The following RGMB variants were observed in gnomAD, a reference collection of about 807,000 sequenced individuals.
RGMB encodes repulsive guidance molecule BMP co-receptor b.
A neutral mutation model predicts 26.9 loss-of-function variants in RGMB; 16 were observed. The ratio of observed to expected loss-of-function variants is 0.60; its 90% CI spans 0.40 to 0.90. The LOEUF is 0.90. Ranked by LOEUF, RGMB falls within the 40% of genes least tolerant of loss-of-function variation. The pLI, the probability that RGMB is intolerant of heterozygous loss-of-function variation, is 0.00. For missense variants in RGMB, 512 were observed against 573.3 expected, an observed-to-expected ratio of 0.89 and a Z score of 1.09; for synonymous variants, 225 against 229.3, an observed-to-expected ratio of 0.98 and a Z score of 0.17.
chr5:98,779,867 C>T lies in RGMB; in HGVS notation c.424C>T (p.His142Tyr). Residue 142 changes from histidine (H) to tyrosine (Y), a missense_variant, in exon 2 of 3, where the codon CAC becomes TAC. His to Tyr is a moderately conservative substitution (Grantham distance 83). Coordinates refer to ENST00000513185, the MANE Select transcript of RGMB (RefSeq NM_001366508.1). ...AGTGACCCATGATCCTTGCAACTATCACAGCCACGCTGGAGCCAGGGAACA... is the reference window on the plus strand; with the variant it reads ...AGTGACCCATGATCCTTGCAACTATTACAGCCACGCTGGAGCCAGGGAACA... ...PEVTHDPCNY[H>Y]SHAGAREHRR... is the part of the protein sequence containing the mutation. The T allele has an allele frequency of 1.9e-6, 3 of 1,614,042 alleles. No individual in the cohort carries two copies. Among genetic ancestry groups the T allele is most frequent in the Non-Finnish European group, 2.5e-6 (3 of 1,179,884 alleles).
In RGMB at chr5:98,795,693, A is replaced by G. The variant is rs554557776; in HGVS notation, c.*1940A>G. The G allele has an allele frequency of 6.6e-6, 1 of 152,196 alleles. No homozygotes were observed. The highest frequency in any genetic ancestry group is 2.4e-5 in the African/African-American group (1 of 41,440). 9.4% of individuals were successfully genotyped at this position (152,196 alleles called of 1,614,324 possible). On this transcript the variant is annotated 3_prime_UTR_variant, in exon 3 of 3. Coordinates refer to ENST00000513185, the MANE Select transcript of RGMB (RefSeq NM_001366508.1). ...GAACTGTGGCTTTTTTTGTTCACCTATGATGCCATGTACCAAATTCAGAAG... is the reference window on the plus strand; with the variant it reads ...GAACTGTGGCTTTTTTTGTTCACCTGTGATGCCATGTACCAAATTCAGAAG...
At chr5:98,774,675 A>G (rs549722589) in intron 1 of RGMB, among the ~76,000 whole-genome samples, 1 of 152,188 alleles carries the variant, frequency 6.6e-6, no homozygotes, top group Non-Finnish European at 1.5e-5. Context: ...AGTACACCAG[A>G]TGGAAAGATT....
At position 98,774,186 on chromosome 5, in the gene RGMB, G is replaced by C. The variant is rs1241488644; in HGVS notation, c.116G>C (p.Ser39Thr). ...GAGCTGCTGCTGCTGCTGCTGTTCA[G>C]CCTCGGGCTGCTCCACGCAGGTAGG... ...PLELLLLLLF[S>T]LGLLHAGDCQ... The change falls in exon 1 of 3, where the codon AGC becomes ACC. Residue 39 changes from serine to threonine, a missense_variant. Ser to Thr is a moderately conservative substitution (Grantham distance 58). Transcript: ENST00000513185. 6.7e-7 allele frequency: 1 copy of C among 1,492,546 alleles called. No homozygotes were observed. Among genetic ancestry groups the C allele is most frequent in the African/African-American group, 1.5e-5 (1 of 68,632 alleles). The allele number at this position is 1,492,546 out of a possible 1,614,324, so 92.5% of individuals were successfully genotyped here. A position where few individuals can be genotyped will look rare whatever the true frequency, so the allele number is the denominator to read the frequency against.
At chr5:98,777,166 CT>C (rs1326563922) in intron 1 of RGMB, among the ~76,000 whole-genome samples, 1 of 151,804 alleles carries the variant, frequency 6.6e-6, no homozygotes, top group Non-Finnish European at 1.5e-5. Flanking sequence ...CTAAATTCCA[CT>C]TTTCTTTCCT....
At chr5:98,784,806 G>C (rs756225690) in intron 2 of RGMB, among the ~76,000 whole-genome samples, 10 of 152,118 alleles carry the variant, frequency 6.6e-5, no homozygotes, top group Non-Finnish European at 8.8e-5. Flanking sequence ...TAAGGGATAT[G>C]GTTCTTCCAT....
At position 98,794,624 on chromosome 5, in the gene RGMB, C is replaced by G. The variant is rs570596242; in HGVS notation, c.*871C>G. ...AACTATAAATTTAGTAATTATCATG[C>G]CTTGCTCTTTTTAATCTATATGACT... On this transcript the variant is annotated 3_prime_UTR_variant, in exon 3 of 3. Coordinates refer to ENST00000513185, the MANE Select transcript of RGMB (RefSeq NM_001366508.1). 1.3e-5 allele frequency: 2 copies of G among 152,246 alleles called. No individual in the cohort carries two copies. Among genetic ancestry groups the G allele is most frequent in the African/African-American group, 2.4e-5 (1 of 41,540 alleles). The allele number at this position is 152,246 out of a possible 1,614,324, so 9.4% of individuals were successfully genotyped here.
At chr5:98,791,398 G>A (rs1228405480) in intron 2 of RGMB, among the ~76,000 whole-genome samples, 2 of 152,144 alleles carry the variant, frequency 1.3e-5, no homozygotes, top group Non-Finnish European at 2.9e-5. Flanking sequence ...GGGAACAAGT[G>A]GAATTAAATA....
chr5:98,791,436 GAAAAAC>G, intron 2 of RGMB, among the ~76,000 whole-genome samples: 1 of 151,794 alleles, frequency 6.6e-6, no homozygotes. Flanking sequence ...CCGAGTTGGA[GAAAAAC>G]TTAAGACATA....
chr5:98,773,409 CGCGAG>C (rs1746241747), upstream of RGMB: 1 of 153,442 alleles, frequency 6.5e-6, no homozygotes, highest in Admixed American at 6.5e-5. Flanking sequence ...GGAAAGGGAG[CGCGAG>C]GCAGCATGCG....
At position 98,779,890 on chromosome 5, in the gene RGMB, A is replaced by G. The variant is rs562450888; in HGVS notation, c.447A>G (p.Glu149=). ...CNYHSHAGAR[E]HRRGDQNPPS... is the part of the protein sequence containing the mutation. ...ATCACAGCCACGCTGGAGCCAGGGA[A>G]CACAGGAGAGGGGACCAGAACCCTC... The change falls in exon 2 of 3, where the codon GAA becomes GAG. Residue 149 remains glutamate (E), a synonymous_variant. Transcript: ENST00000513185. 6.2e-7 allele frequency: 1 copy of G among 1,613,996 alleles called. No individual in the cohort carries two copies. The highest frequency in any genetic ancestry group is 1.3e-5 in the African/African-American group (1 of 75,066).
chr5:98,793,282 T>G lies in RGMB; in HGVS notation c.843T>G (p.Phe281Leu). The change falls in exon 3 of 3, where the codon TTT becomes TTG. Residue 281 changes from phenylalanine (F) to leucine (L), a missense_variant. Phe to Leu is a conservative substitution (Grantham distance 22). Coordinates refer to ENST00000513185, the MANE Select transcript of RGMB (RefSeq NM_001366508.1). ...MHARYIGTTVFVRQVGRYLTL... is the reference protein window; with the variant it reads ...MHARYIGTTVLVRQVGRYLTL... ...CCCGCTATATAGGGACCACAGTGTT[T>G]GTGCGGCAGGTGGGTCGCTACCTGA... The G allele has an allele frequency of 6.2e-7, 1 of 1,613,934 alleles. No homozygotes were observed. The highest frequency in any genetic ancestry group is 8.5e-7 in the Non-Finnish European group (1 of 1,179,856).
intron 2 of RGMB, among the ~76,000 whole-genome samples, chr5:98,784,927 A>T (rs1746726158): frequency 6.6e-6 from 1 of 152,218 alleles, no homozygotes; most frequent in Non-Finnish European, 1.5e-5. Flanking sequence ...CTCCACAAGG[A>T]AACTGCAACT....
chr5:98,771,004 G>A (rs914145119), upstream of RGMB: 2 of 286,794 alleles, frequency 7.0e-6, no homozygotes, highest in African/African-American at 2.2e-5. Context: ...TGGAAATGGA[G>A]ACATATTAAC....
Position 98,773,684 on chromosome 5 carries a change from G to GCT in RGMB, c.-387_-386insCT. The GCT allele has an allele frequency of 2.8e-6, 1 of 362,022 alleles. No individual in the cohort carries two copies. The highest frequency in any genetic ancestry group is 4.1e-5 in the East Asian group (1 of 24,142). The allele number at this position is 362,022 out of a possible 1,614,324, so 22.4% of individuals were successfully genotyped here. A position where few individuals can be genotyped will look rare whatever the true frequency, so the allele number is the denominator to read the frequency against. On this transcript the variant is annotated 5_prime_UTR_variant, in exon 1 of 3. Transcript: ENST00000513185. ...CCGCGCAGAGATATCCGGGCCGCCG[G>GCT]TGGGTGGTCGCTAGGGCTGGGCCAG...
chr5:98,784,687 C>T (rs148498345), intron 2 of RGMB, among the ~76,000 whole-genome samples: 4 of 152,272 alleles, frequency 2.6e-5, no homozygotes, highest in African/African-American at 4.8e-5. Context: ...CTCTGTTGAC[C>T]CCAGACCTAG....
intron 2 of RGMB, 156 bp downstream of exon 2, chr5:98,780,244 CTAG>C (rs763193830): frequency 1.7e-4 from 107 of 629,308 alleles, no homozygotes; most frequent in Non-Finnish European, 2.6e-4. Flanking sequence ...TAAAAATTAT[CTAG>C]TAAGGAATTT....
chr5:98,782,426 C>G (rs1424606633), intron 2 of RGMB, among the ~76,000 whole-genome samples: 5 of 152,176 alleles, frequency 3.3e-5, no homozygotes, highest in Non-Finnish European at 7.4e-5. Context: ...TAAACAAGAT[C>G]TGAAATTTTC....
At chr5:98,785,588 C>CCTAG (rs1746746701) in intron 2 of RGMB, among the ~76,000 whole-genome samples, 1 of 152,182 alleles carries the variant, frequency 6.6e-6, no homozygotes, top group African/African-American at 2.4e-5. Flanking sequence ...CCTAGCAGGG[C>CCTAG]CTAGAACCCT....
intron 2 of RGMB, among the ~76,000 whole-genome samples, chr5:98,789,542 C>T (rs890666832): frequency 6.6e-6 from 1 of 151,752 alleles, no homozygotes; most frequent in African/African-American, 2.4e-5. Flanking sequence ...TCACAGCAAA[C>T]CTTCGTAAGT....
Sources: gnomAD v4.1 joint callset for allele counts (sites outside exome capture counted in the v4.1 genomes callset) on GRCh38, gnomAD v4.1.1 for gene constraint, MANE v1.5 for transcripts, NCBI Gene and HGNC (gene_info 2026-07-23, HGNC 2026-07-21) for gene names.